KPNA1: variants seen among roughly 807,000 people sequenced by gnomAD.
KPNA1 encodes the protein karyopherin subunit alpha 1, also known as importin subunit alpha-5.
A neutral mutation model predicts 70.5 loss-of-function variants in KPNA1; 10 were observed. That is an observed-to-expected ratio of 0.14 (90% CI 0.09 to 0.24). The LOEUF is 0.24. Ranked by LOEUF, KPNA1 falls within the 10% of genes least tolerant of loss-of-function variation. KPNA1 has a pLI of 1.00. For missense variants in KPNA1, 397 were observed against 637.9 expected, an observed-to-expected ratio of 0.62 and a Z score of 4.07; for synonymous variants, 192 against 221.9, an observed-to-expected ratio of 0.87 and a Z score of 1.20.
chr3:122,492,044 T>G (rs532736722), intron 2 of KPNA1, among the ~76,000 whole-genome samples: 2 of 151,588 alleles, frequency 1.3e-5, no homozygotes, highest in South Asian at 4.2e-4. Flanking sequence ...GTATTTTTAG[T>G]AGAGACGGGG....
At chr3:122,451,701 A>T in intron 7 of KPNA1, 68 bp from the exon 8 acceptor site, 2 of 1,001,254 alleles carry the variant, frequency 2.0e-6, no homozygotes, top group South Asian at 2.8e-5. Flanking sequence ...ATAAATACTA[A>T]ATAATAATAC....
At chr3:122,461,194 T>A in intron 5 of KPNA1, 30 bp downstream of exon 5, 1 of 1,375,530 alleles carries the variant, frequency 7.3e-7, no homozygotes, top group Non-Finnish European at 1.0e-6. Context: ...GGAATTAAGT[T>A]ATGAGGCAAT....
chr3:122,512,922 C>G (rs960871164), intron 1 of KPNA1, among the ~76,000 whole-genome samples: 1 of 142,408 alleles, frequency 7.0e-6, no homozygotes, highest in African/African-American at 2.5e-5. Context: ...TGCTACTCAA[C>G]TATAATAACT....
intron 2 of KPNA1, among the ~76,000 whole-genome samples, chr3:122,481,928 T>G (rs568576314): frequency 6.6e-6 from 1 of 152,382 alleles, no homozygotes; most frequent in South Asian, 2.1e-4. Flanking sequence ...ATGAAATTTT[T>G]TTTTAAGGTT....
intron 2 of KPNA1, among the ~76,000 whole-genome samples, chr3:122,481,597 GT>G (rs1560045491): frequency 1.3e-5 from 2 of 152,196 alleles, no homozygotes; most frequent in African/African-American, 4.8e-5. Context: ...TCTAAAATTG[GT>G]TGTGGTGAAG....
intron 10 of KPNA1, 118 bp downstream of exon 10, chr3:122,441,920 T>C: frequency 1.2e-6 from 1 of 836,312 alleles, no homozygotes; most frequent in Non-Finnish European, 2.0e-6. Context: ...TAAACATTAG[T>C]GTAACAGAGT....
chr3:122,486,494 A>G lies in KPNA1; in HGVS notation c.129+9943T>C, dbSNP rs1340705992. Among the ~76,000 whole-genome samples the G allele has an allele frequency of 3.3e-5, 5 of 152,250 alleles. No homozygotes were observed. The East Asian group carries it at 5.8e-4, about 18-fold the overall frequency. ...ACTAGGAAACCTCTGGGTGAGATGA[A>G]TATGTTCACAACTTAACTATGGTGA... On this transcript the variant is annotated intron_variant, in intron 2 of 13. Transcript: ENST00000344337.
chr3:122,483,635 G>A (rs1222567594), intron 2 of KPNA1, among the ~76,000 whole-genome samples: 4 of 152,128 alleles, frequency 2.6e-5, no homozygotes, highest in Admixed American at 6.5e-5. Flanking sequence ...GTGAGCCACC[G>A]TGCCCAGCCT....
At chr3:122,452,500 C>CGGAAGGAGGGAAGGAG (rs1165575071) in intron 6 of KPNA1, among the ~76,000 whole-genome samples, 4 of 86,256 alleles carry the variant, frequency 4.6e-5, no homozygotes, top group East Asian at 4.3e-4. Flanking sequence ...CAGGGACAGA[C>CGGAAGGAGGGAAGGAG]GGAAGGAGGG....
chr3:122,477,225 C>G (rs1453599306), intron 2 of KPNA1, among the ~76,000 whole-genome samples: 2 of 152,104 alleles, frequency 1.3e-5, no homozygotes, highest in Non-Finnish European at 2.9e-5. Context: ...AAAAGCCAAA[C>G]TCACAGAAGT....
intron 10 of KPNA1, among the ~76,000 whole-genome samples, chr3:122,441,670 G>A (rs1210619943): frequency 1.3e-5 from 2 of 151,820 alleles, no homozygotes; most frequent in South Asian, 2.1e-4. Flanking sequence ...GTGCGATCTC[G>A]GCTCACTGCA....
chr3:122,464,550 T>G (rs2076360032), intron 3 of KPNA1, among the ~76,000 whole-genome samples: 1 of 152,230 alleles, frequency 6.6e-6, no homozygotes, highest in Non-Finnish European at 1.5e-5. Context: ...GCTGGTGTAC[T>G]GTAAATGCTC....
At chr3:122,502,366 G>A (rs2076838579) in intron 1 of KPNA1, among the ~76,000 whole-genome samples, 1 of 152,158 alleles carries the variant, frequency 6.6e-6, no homozygotes, top group African/African-American at 2.4e-5. Flanking sequence ...GGTCATGAGG[G>A]TCCCACCCTG....
intron 1 of KPNA1, among the ~76,000 whole-genome samples, chr3:122,500,898 C>T (rs1227027174): frequency 1.3e-5 from 2 of 151,660 alleles, no homozygotes; most frequent in African/African-American, 4.8e-5. Context: ...TTCTCTATGT[C>T]ATTAATTTTC....
rs2075823694 is a variant in KPNA1, at chr3:122,426,437, C to A, written c.*548G>T. The A allele has an allele frequency of 6.6e-6, 1 of 152,612 alleles. No homozygotes were observed. Among genetic ancestry groups the A allele is most frequent in the South Asian group, 2.1e-4 (1 of 4,828 alleles). The allele number at this position is 152,612 out of a possible 1,614,324, so 9.5% of individuals were successfully genotyped here. A position where few individuals can be genotyped will look rare whatever the true frequency, so the allele number is the denominator to read the frequency against. On this transcript the variant is annotated 3_prime_UTR_variant, in exon 14 of 14. Transcript: ENST00000344337. The stretch of plus-strand genomic sequence containing the variant: ...AATAGAGGAAAGAAAACCATCCAAT[C>A]TCAGTAAGGATTAATGCAAATCTGG...
chr3:122,506,477 A>G (rs2076891748), intron 1 of KPNA1, among the ~76,000 whole-genome samples: 2 of 152,222 alleles, frequency 1.3e-5, no homozygotes, highest in Admixed American at 1.3e-4. Flanking sequence ...AGAAATTAGA[A>G]AAGAAAATTA....
At chr3:122,489,990 G>A (rs1289725896) in intron 2 of KPNA1, among the ~76,000 whole-genome samples, 1 of 152,210 alleles carries the variant, frequency 6.6e-6, no homozygotes, top group African/African-American at 2.4e-5. Flanking sequence ...TGAATTATGA[G>A]TTTCTCCAGT....
chr3:122,511,170 T>C (rs1282481341), intron 1 of KPNA1, among the ~76,000 whole-genome samples: 1 of 152,136 alleles, frequency 6.6e-6, no homozygotes, highest in African/African-American at 2.4e-5. Flanking sequence ...TCAGAGTACT[T>C]TCAGCGGGTC....
Position 122,460,359 on chromosome 3 carries a change from T to C in KPNA1, c.432+865A>G. The C allele has an allele frequency of 4.1e-6, 4 of 980,954 alleles. No homozygotes were observed. In the African/African-American group the frequency reaches 5.2e-5, roughly 13 times the overall value. 60.8% of individuals were successfully genotyped at this position (980,954 alleles called of 1,614,324 possible). A position where few individuals can be genotyped will look rare whatever the true frequency, so the allele number is the denominator to read the frequency against. On this transcript the variant is annotated intron_variant, in intron 5 of 13. Coordinates refer to ENST00000344337, the MANE Select transcript of KPNA1 (RefSeq NM_002264.4). ...TTATGAAAATTATTGAATACTTGGC[T>C]GGGAGCAGTGGCTCACACCTGTAAT...
Sources: gnomAD v4.1 joint callset for allele counts (sites outside exome capture counted in the v4.1 genomes callset) on GRCh38, gnomAD v4.1.1 for gene constraint, MANE v1.5 for transcripts, NCBI Gene and HGNC (gene_info 2026-07-23, HGNC 2026-07-21) for gene names.